Variants in TNIP3 observed in about 807,000 individuals in gnomAD.
The protein encoded by TNIP3 is TNFAIP3-interacting protein 3.
TNIP3 carries 34 observed loss-of-function variants against 54.1 expected under a neutral mutation model. The ratio of observed to expected loss-of-function variants is 0.63; its 90% CI spans 0.48 to 0.84. TNIP3 has a LOEUF of 0.84. Ranked by LOEUF, TNIP3 falls within the 40% of genes least tolerant of loss-of-function variation. The pLI is 0.00. For missense variants in TNIP3, 366 were observed against 387.6 expected, an observed-to-expected ratio of 0.94 and a Z score of 0.47; for synonymous variants, 134 against 136.8, an observed-to-expected ratio of 0.98 and a Z score of 0.14.
chr4:121,200,237 G>A (rs1725807580), intron 2 of TNIP3, among the ~76,000 whole-genome samples: 1 of 151,766 alleles, frequency 6.6e-6, no homozygotes, highest in Non-Finnish European at 1.5e-5. Flanking sequence ...CTGAACAATG[G>A]GTTCACCGAG....
At chr4:121,210,272 A>C (rs1726409769) in intron 2 of TNIP3, among the ~76,000 whole-genome samples, 1 of 152,204 alleles carries the variant, frequency 6.6e-6, no homozygotes, top group Non-Finnish European at 1.5e-5. Flanking sequence ...GAGATAAAAT[A>C]AGTCCTTGTT....
rs79513876 is a variant in TNIP3 at position 121,189,503 on chromosome 4, T to C, written c.69-6707A>G. On this transcript the variant is annotated intron_variant, in intron 2 of 12. Transcript: ENST00000507879. ...TTGTTATTATGATTTACTGTAACTA[T>C]GCTCCTGGTGATTTTGTGAAGAAAC... Among the ~76,000 whole-genome samples, 12 of 152,326 alleles carry C rather than the reference T, an allele frequency of 7.9e-5. No homozygotes were observed. In the East Asian group the frequency reaches 2.3e-3, roughly 29 times the overall value.
At chr4:121,174,167 C>T (rs1446629149) in intron 3 of TNIP3, among the ~76,000 whole-genome samples, 6 of 152,144 alleles carry the variant, frequency 3.9e-5, no homozygotes, top group Admixed American at 2.0e-4. Context: ...AAGAGAACTA[C>T]CTTCTTCCTG....
intron 2 of TNIP3, among the ~76,000 whole-genome samples, chr4:121,188,322 T>C (rs1261977917): frequency 6.6e-6 from 1 of 151,756 alleles, no homozygotes; most frequent in Non-Finnish European, 1.5e-5. Flanking sequence ...AAAAAAAAAC[T>C]CTCCCCTAAG....
intron 10 of TNIP3, among the ~76,000 whole-genome samples, chr4:121,137,111 C>G (rs1728832490): frequency 6.6e-6 from 1 of 151,968 alleles, no homozygotes; most frequent in South Asian, 2.1e-4. Context: ...TAATATTGGT[C>G]CAGCAAGAAT....
chr4:121,156,675 G>C (rs1177622099), intron 4 of TNIP3, among the ~76,000 whole-genome samples: 1 of 152,074 alleles, frequency 6.6e-6, no homozygotes, highest in Non-Finnish European at 1.5e-5. Flanking sequence ...CTGTAAGCTT[G>C]AAAAGCTACT....
rs140901988 is a variant in TNIP3, at chr4:121,158,701, A to G, written c.199T>C (p.Leu67=). 5 of 1,612,276 alleles carry G rather than the reference A, an allele frequency of 3.1e-6. No individual in the cohort carries two copies. The African/African-American group carries it at 5.3e-5, about 17-fold the overall frequency. Residue 67 remains leucine (L), a synonymous_variant, in exon 3 of 11, where the codon TTA becomes CTA. Transcript: ENST00000057513. ...WDQQFRSMKE[L]YERKVAELKT... The stretch of plus-strand genomic sequence containing the variant: ...GAGGTATTTACCTTTCTTTCATATA[A>G]CTCTTTCATACTTCTAAATTGCTGA...
At chr4:121,227,464 CTT>C (rs1383835154) in exon 1 of TNIP3, 15 of 1,305,042 alleles carry the variant, frequency 1.1e-5, no homozygotes, top group Middle Eastern at 1.8e-4. Flanking sequence ...CTTTAAGACT[CTT>C]TGAATCAAAC....
intron 2 of TNIP3, among the ~76,000 whole-genome samples, chr4:121,186,484 C>T (rs948185959): frequency 6.6e-6 from 1 of 152,172 alleles, no homozygotes; most frequent in Admixed American, 6.5e-5. Flanking sequence ...CATTGTGATG[C>T]AGTAGAAAAT....
At chr4:121,210,653 CT>C (rs939984991) in intron 2 of TNIP3, among the ~76,000 whole-genome samples, 3 of 152,148 alleles carry the variant, frequency 2.0e-5, no homozygotes, top group Non-Finnish European at 4.4e-5. Context: ...ATTCTAAGGC[CT>C]CTTTTCAAGG....
chr4:121,165,376 T>A (rs1441017273), upstream of TNIP3, among the ~76,000 whole-genome samples: 1 of 152,036 alleles, frequency 6.6e-6, no homozygotes, highest in East Asian at 1.9e-4. Context: ...CCACCTCAGA[T>A]GTCTCCTCTC....
At chr4:121,146,019 C>CT (rs558232452) in intron 7 of TNIP3, among the ~76,000 whole-genome samples, 3,123 of 150,122 alleles carry the variant, frequency 0.021, 44 homozygotes, top group Non-Finnish European at 0.033. Flanking sequence ...AATATATACT[C>CT]TTTTTTTTTA....
chr4:121,204,244 C>T (rs1305347706), intron 2 of TNIP3, among the ~76,000 whole-genome samples: 2 of 152,138 alleles, frequency 1.3e-5, no homozygotes, highest in Non-Finnish European at 2.9e-5. Context: ...TTCAAAGTCA[C>T]CCCTTTGTTC....
At chr4:121,156,062 G>A (rs1309171154) in intron 4 of TNIP3, among the ~76,000 whole-genome samples, 1 of 152,160 alleles carries the variant, frequency 6.6e-6, no homozygotes, top group Non-Finnish European at 1.5e-5. Context: ...AATTGGAAAA[G>A]GAAATGACTG....
rs1183916394 is a variant in TNIP3, at chr4:121,198,147, G to GTT, written c.69-15353_69-15352dup. Among the ~76,000 whole-genome samples, 1,058 of 139,536 alleles carry GTT rather than the reference G, an allele frequency of 7.6e-3. 10 individuals carry two copies. Among genetic ancestry groups the GTT allele is most frequent in the African/African-American group, 0.026 (1,003 of 38,872 alleles). The allele number at this position is 139,536 out of a possible 152,430, so 91.5% of individuals were successfully genotyped here. On this transcript the variant is annotated intron_variant, in intron 2 of 12. Transcript: ENST00000507879. ...CTTGGCTAGGAGAAGTTTCATTCTT[G>GTT]TTTTTTTTTTTTTTAGAAATTACTT...
Position 121,201,409 on chromosome 4 carries a change from T to C in TNIP3, c.68+15006A>G, listed in dbSNP as rs557645273. Among the ~76,000 whole-genome samples, 4 of 152,308 alleles carry C rather than the reference T, an allele frequency of 2.6e-5. No individual in the cohort carries two copies. In the South Asian group the frequency reaches 8.3e-4, roughly 32 times the overall value. ...ATCTCATGTGTTTAAAATTAGTTTTTAAGCATTATATTGTATGTCTCAAAA... is the reference window on the plus strand; with the variant it reads ...ATCTCATGTGTTTAAAATTAGTTTTCAAGCATTATATTGTATGTCTCAAAA... On this transcript the variant is annotated intron_variant, in intron 2 of 12. Coordinates refer to the TNIP3 transcript ENST00000507879.
chr4:121,147,000 A>G (rs949922720), intron 7 of TNIP3, 49 bp downstream of exon 7: 1 of 1,552,442 alleles, frequency 6.4e-7, no homozygotes, highest in Non-Finnish European at 8.7e-7. Flanking sequence ...TTTTAAATGA[A>G]AAAAATATAC....
At chr4:121,170,597 A>G (rs1460480720) in intron 3 of TNIP3, among the ~76,000 whole-genome samples, 1 of 151,974 alleles carries the variant, frequency 6.6e-6, no homozygotes, top group African/African-American at 2.4e-5. Context: ...TTTTTACTTG[A>G]TTTTGATTAA....
At chr4:121,203,480 CA>C (rs1472896190) in intron 2 of TNIP3, among the ~76,000 whole-genome samples, 4 of 151,956 alleles carry the variant, frequency 2.6e-5, no homozygotes, top group African/African-American at 7.3e-5. Flanking sequence ...AAGAATGGGA[CA>C]GGGGTGAGGG....
Sources: gnomAD v4.1 joint callset for allele counts (sites outside exome capture counted in the v4.1 genomes callset) on GRCh38, gnomAD v4.1.1 for gene constraint, MANE v1.5 for transcripts, NCBI Gene and HGNC (gene_info 2026-07-23, HGNC 2026-07-21) for gene names.